The following TSHZ2 variants were observed in gnomAD, a reference collection of about 807,000 sequenced individuals.
TSHZ2 encodes the protein teashirt zinc finger homeobox 2.
In TSHZ2, 21 loss-of-function variants were observed where a neutral mutation model predicts 74.4. That is an observed-to-expected ratio of 0.28 (90% CI 0.20 to 0.41). The LOEUF (loss-of-function observed/expected upper bound fraction) is 0.41. Among genes scored for constraint, TSHZ2 ranks in the 10% least tolerant of loss-of-function variants. The pLI, the probability that TSHZ2 is intolerant of heterozygous loss-of-function variation, is 1.00. For missense variants in TSHZ2, 1,244 were observed against 1,293.5 expected (o/e 0.96, Z 0.59); for synonymous variants, 540 against 515.3 (o/e 1.05, Z -0.65).
At chr20:53,424,310 C>G (rs1478647618) in intron 2 of TSHZ2, among the ~76,000 whole-genome samples, 2 of 152,200 alleles carry the variant, frequency 1.3e-5, no homozygotes, top group South Asian at 4.1e-4. Context: ...TCCTCTTTCC[C>G]CTGGGGGGCA....
In TSHZ2 at chr20:53,068,873, GT is replaced by G. The variant is rs528612677; in HGVS notation, c.40+95550del. ...AGGAATCTATTAGAGATTTTCTGTT[GT>G]TTTTTTTTTCCATAAAGAACTGAGG... On this transcript the variant is annotated intron_variant, in intron 1 of 2. Transcript: ENST00000371497. 1.3e-3 allele frequency among the ~76,000 whole-genome samples: 186 copies of G among 146,386 alleles called. No homozygotes were observed. In the Middle Eastern group the frequency reaches 0.017, roughly 14 times the overall value.
chr20:53,402,546 A>G (rs896959189), intron 2 of TSHZ2, among the ~76,000 whole-genome samples: 27 of 152,202 alleles, frequency 1.8e-4, no homozygotes, highest in Admixed American at 1.7e-3. Flanking sequence ...GCATTTCTCA[A>G]AATGTATCCC....
chr20:53,447,912 ATTTTTTTTT>A (rs3042218), intron 2 of TSHZ2, among the ~76,000 whole-genome samples: 2 of 134,856 alleles, frequency 1.5e-5, no homozygotes, highest in East Asian at 2.2e-4. Context: ...GGAAGAAGAA[ATTTTTTTTT>A]TTTTTTTTTT....
chr20:53,160,886 C>T (rs1187960638), intron 1 of TSHZ2, among the ~76,000 whole-genome samples: 5 of 151,992 alleles, frequency 3.3e-5, no homozygotes, highest in South Asian at 4.2e-4. Context: ...ATATTCCCTA[C>T]TCTTAATCTA....
intron 1 of TSHZ2, among the ~76,000 whole-genome samples, chr20:53,058,690 G>A (rs1023441486): frequency 2.0e-5 from 3 of 152,216 alleles, no homozygotes; most frequent in East Asian, 1.9e-4. Flanking sequence ...TGTGGAACAA[G>A]GCTGAGTTTC....
chr20:53,463,247 G>C (rs980755470), intron 2 of TSHZ2, among the ~76,000 whole-genome samples: 2 of 152,056 alleles, frequency 1.3e-5, no homozygotes, highest in African/African-American at 2.4e-5. Context: ...TTTTAGGATT[G>C]GGTGCAGTGG....
At chr20:53,137,906 G>A (rs1224092446) in intron 1 of TSHZ2, among the ~76,000 whole-genome samples, 1 of 152,152 alleles carries the variant, frequency 6.6e-6, no homozygotes, top group Non-Finnish European at 1.5e-5. Flanking sequence ...GGTATTTTTA[G>A]AGCTATCTTT....
intron 1 of TSHZ2, among the ~76,000 whole-genome samples, chr20:53,205,192 C>T (rs926006597): frequency 1.3e-5 from 2 of 151,976 alleles, no homozygotes; most frequent in African/African-American, 2.4e-5. Flanking sequence ...TAATAAAGCC[C>T]GAGCAATTAA....
chr20:53,139,206 C>T (rs570952289), intron 1 of TSHZ2, among the ~76,000 whole-genome samples: 39 of 152,354 alleles, frequency 2.6e-4, no homozygotes, highest in African/African-American at 9.1e-4. Context: ...TGCCTCTCCT[C>T]CCCACCAGAT....
chr20:52,991,038 A>G (rs1981965841), intron 1 of TSHZ2, among the ~76,000 whole-genome samples: 1 of 152,150 alleles, frequency 6.6e-6, no homozygotes, highest in Non-Finnish European at 1.5e-5. Flanking sequence ...GTGTGTTGTG[A>G]TTGAACATGT....
chr20:53,484,285 C>T (rs180697347), intron 2 of TSHZ2, among the ~76,000 whole-genome samples: 1 of 152,162 alleles, frequency 6.6e-6, no homozygotes, highest in Admixed American at 6.5e-5. Flanking sequence ...CTGTCATGAG[C>T]TTGGAAGCTT....
intron 2 of TSHZ2, among the ~76,000 whole-genome samples, chr20:53,297,484 C>A (rs752959511): frequency 2.0e-5 from 3 of 152,100 alleles, no homozygotes; most frequent in Non-Finnish European, 4.4e-5. Context: ...ATCCTCCTGC[C>A]TTGGTTTCTG....
intron 2 of TSHZ2, chr20:53,421,439 A>G (rs6063943): frequency 0.23 from 47,306 of 207,248 alleles, 6,405 homozygotes; most frequent in Non-Finnish European, 0.3. Flanking sequence ...TGAGAACTTC[A>G]TTCTGAAACA....
chr20:53,238,267 C>T (rs910560293), intron 1 of TSHZ2, among the ~76,000 whole-genome samples: 4 of 151,982 alleles, frequency 2.6e-5, no homozygotes, highest in East Asian at 1.9e-4. Flanking sequence ...TGATTGCAAG[C>T]GATAAATATT....
At chr20:53,000,407 T>C (rs568595463) in intron 1 of TSHZ2, among the ~76,000 whole-genome samples, 1 of 152,350 alleles carries the variant, frequency 6.6e-6, no homozygotes, top group South Asian at 2.1e-4. Flanking sequence ...GACAGTCATA[T>C]GAGTGATTGT....
intron 1 of TSHZ2, among the ~76,000 whole-genome samples, chr20:53,130,383 G>C (rs1293422): frequency 0.084 from 12,857 of 152,214 alleles, 592 homozygotes; most frequent in African/African-American, 0.1. Context: ...TAGCACTTTA[G>C]GGGGACCAAG....
intron 2 of TSHZ2, among the ~76,000 whole-genome samples, chr20:53,334,175 C>T (rs562671304): frequency 6.6e-6 from 1 of 152,098 alleles, no homozygotes; most frequent in African/African-American, 2.4e-5. Flanking sequence ...AAGGGTAAGA[C>T]ACAGATAAAA....
intron 2 of TSHZ2, among the ~76,000 whole-genome samples, chr20:53,471,289 G>A (rs997963224): frequency 6.6e-6 from 1 of 151,962 alleles, no homozygotes; most frequent in Admixed American, 6.6e-5. Context: ...AGAAAAGATA[G>A]GCTTCAAATT....
At chr20:53,034,754 T>C (rs1172850061) in intron 1 of TSHZ2, among the ~76,000 whole-genome samples, 1 of 152,208 alleles carries the variant, frequency 6.6e-6, no homozygotes, top group Non-Finnish European at 1.5e-5. Context: ...TGCTCCAGGG[T>C]TCTTTTCACA....
Sources: gnomAD v4.1 joint callset for allele counts (sites outside exome capture counted in the v4.1 genomes callset) on GRCh38, gnomAD v4.1.1 for gene constraint, MANE v1.5 for transcripts, NCBI Gene and HGNC (gene_info 2026-07-23, HGNC 2026-07-21) for gene names.